MTUS1: variants seen among roughly 807,000 people sequenced by gnomAD.
MTUS1 encodes the protein microtubule associated scaffold protein 1.
MTUS1 carries 109 observed loss-of-function variants against 120.8 expected under a neutral mutation model. That is an observed-to-expected ratio of 0.90 (90% CI 0.77 to 1.06). The LOEUF (loss-of-function observed/expected upper bound fraction) is 1.06, where lower values mean the gene tolerates loss of function less well. Among genes scored for constraint, MTUS1 ranks in the 50% least tolerant of loss-of-function variants. MTUS1 has a pLI of 0.00. For synonymous variants in MTUS1, 737 were observed against 550.5 expected, an observed-to-expected ratio of 1.34 and a Z score of -4.74; for missense variants, 2,210 against 1,486.3, an observed-to-expected ratio of 1.49 and a Z score of -8.01.
intron 1 of MTUS1, chr8:17,770,379 G>C (rs1171486261): frequency 1.3e-5 from 2 of 152,152 alleles, no homozygotes; most frequent in Admixed American, 6.5e-5. Flanking sequence ...TTTGAAACTT[G>C]AGTGGTTTTA....
Position 17,644,719 on chromosome 8 carries a change from A to G in MTUS1, c.*1207T>C, listed in dbSNP as rs1250082559. The G allele has an allele frequency of 1.3e-5, 2 of 152,190 alleles. No individual in the cohort carries two copies. Among genetic ancestry groups the G allele is most frequent in the Non-Finnish European group, 2.9e-5 (2 of 68,028 alleles). The allele number at this position is 152,190 out of a possible 1,614,324, so 9.4% of individuals were successfully genotyped here. A position where few individuals can be genotyped will look rare whatever the true frequency, so the allele number is the denominator to read the frequency against. ...GCACTGAATCCTACCTTTCTTAATT[A>G]TACTAGCCAATGACTTCCTTGTTCT... On this transcript the variant is annotated 3_prime_UTR_variant, in exon 15 of 15. Transcript: ENST00000693296.
rs535789161 is a variant in MTUS1 at position 17,725,003 on chromosome 8, G to A, written c.2288-1170C>T. Reference sequence around the variant, plus strand: ...ACTTCTGGCCTTAAGCAGTCCTCCCGCCTCAGTCTCCCAAACTGCTGGAAT... The same window carrying A: ...ACTTCTGGCCTTAAGCAGTCCTCCCACCTCAGTCTCCCAAACTGCTGGAAT... On this transcript the variant is annotated intron_variant, in intron 3 of 14. Transcript: ENST00000693296. Among the ~76,000 whole-genome samples, 144 of 151,974 alleles carry A rather than the reference G, an allele frequency of 9.5e-4. 1 individual carries two copies. Among genetic ancestry groups the A allele is most frequent in the South Asian group, 2.3e-3 (11 of 4,818 alleles).
rs1485327195 is a variant in MTUS1 at position 17,644,253 on chromosome 8, T to C, written c.*1673A>G. ...TGATGAAGTATTGGAAGTTAAAGAC[T>C]TAAGACACAAAATCACTAATTTAAA... is the stretch of plus-strand genomic sequence containing the variant. On this transcript the variant is annotated 3_prime_UTR_variant, in exon 15 of 15. Coordinates refer to ENST00000693296, the MANE Select transcript of MTUS1 (RefSeq NM_001363059.2). 1 of 152,616 alleles carries C rather than the reference T, an allele frequency of 6.6e-6. No homozygotes were observed. The highest frequency in any genetic ancestry group is 1.5e-5 in the Non-Finnish European group (1 of 68,042). 9.5% of individuals were successfully genotyped at this position (152,616 alleles called of 1,614,324 possible).
At chr8:17,775,211 G>A (rs1236812207) in intron 1 of MTUS1, among the ~76,000 whole-genome samples, 2 of 152,090 alleles carry the variant, frequency 1.3e-5, no homozygotes. Flanking sequence ...TTATGCCACT[G>A]AACCGTACAC....
chr8:17,714,771 T>C (rs912437085), intron 5 of MTUS1, among the ~76,000 whole-genome samples: 3 of 152,126 alleles, frequency 2.0e-5, no homozygotes, highest in African/African-American at 7.2e-5. Flanking sequence ...GGAAGACTCT[T>C]TGTTTCTGTG....
chr8:17,770,274 G>A (rs1351968570), intron 1 of MTUS1, among the ~76,000 whole-genome samples: 3 of 152,082 alleles, frequency 2.0e-5, no homozygotes, highest in Non-Finnish European at 4.4e-5. Context: ...CCTGAAGTAG[G>A]GGTAATCTAA....
intron 2 of MTUS1, among the ~76,000 whole-genome samples, chr8:17,753,129 A>G (rs115129535): frequency 0.028 from 4,217 of 152,252 alleles, 183 homozygotes; most frequent in African/African-American, 0.096. Flanking sequence ...TAAGGCTGCA[A>G]GAGGCTTCAC....
Position 17,654,585 on chromosome 8 carries a change from T to C in MTUS1, c.3190A>G (p.Lys1064Glu), listed in dbSNP as rs1442576175. The C allele has an allele frequency of 3.7e-6, 6 of 1,613,508 alleles. No individual in the cohort carries two copies. The highest frequency in any genetic ancestry group is 4.2e-6 in the Non-Finnish European group (5 of 1,179,480). Residue 1064 changes from lysine (K) to glutamate (E), a missense_variant, in exon 10 of 15, where the codon AAG becomes GAG. Coordinates refer to ENST00000693296, the MANE Select transcript of MTUS1 (RefSeq NM_001363059.2). ...SHSEKLELLK[K>E]AYEASLSEIK... Reference sequence around the variant, plus strand: ...CCTGAAAGGGAGGCTTCATAGGCCTTCTTTAGCAATTCAAGTTTCTCTGAG... The same window carrying C: ...CCTGAAAGGGAGGCTTCATAGGCCTCCTTTAGCAATTCAAGTTTCTCTGAG...
intron 6 of MTUS1, among the ~76,000 whole-genome samples, chr8:17,704,836 T>A: frequency 6.6e-6 from 1 of 152,178 alleles, no homozygotes; most frequent in East Asian, 1.9e-4. Context: ...TTGCACTGAA[T>A]CTGTAGATCT....
At chr8:17,757,799 T>A (rs923500492) in intron 1 of MTUS1, among the ~76,000 whole-genome samples, 1 of 152,134 alleles carries the variant, frequency 6.6e-6, no homozygotes, top group Non-Finnish European at 1.5e-5. Flanking sequence ...AGCACTGGGA[T>A]TACAGGCATG....
chr8:17,647,997 CTT>C (rs1806195635), intron 13 of MTUS1, among the ~76,000 whole-genome samples: 1 of 152,166 alleles, frequency 6.6e-6, no homozygotes, highest in African/African-American at 2.4e-5. Context: ...GGTTAAATCA[CTT>C]TCCAGAAAAG....
At chr8:17,710,572 G>A (rs142831755) in intron 6 of MTUS1, among the ~76,000 whole-genome samples, 3 of 152,172 alleles carry the variant, frequency 2.0e-5, no homozygotes, top group African/African-American at 4.8e-5. Flanking sequence ...CTGAAGCACT[G>A]AACCCCTCAA....
intron 3 of MTUS1, among the ~76,000 whole-genome samples, chr8:17,732,956 C>T (rs1015478282): frequency 3.9e-5 from 6 of 152,152 alleles, no homozygotes; most frequent in Admixed American, 2.0e-4. Context: ...TCCTACTTCA[C>T]CCATATCCAA....
intron 8 of MTUS1, 140 bp from the exon 9 acceptor site, chr8:17,656,205 A>G: frequency 1.3e-6 from 1 of 743,282 alleles, no homozygotes; most frequent in Non-Finnish European, 2.3e-6. Flanking sequence ...CATGTCTTCA[A>G]ATATAACAGT....
At chr8:17,695,265 T>C (rs1351696103) in intron 6 of MTUS1, among the ~76,000 whole-genome samples, 1 of 152,238 alleles carries the variant, frequency 6.6e-6, no homozygotes, top group Non-Finnish European at 1.5e-5. Flanking sequence ...CCATCCCTGC[T>C]ATTCCTTGGA....
At chr8:17,785,665 C>T (rs578043074) in intron 1 of MTUS1, among the ~76,000 whole-genome samples, 1 of 152,296 alleles carries the variant, frequency 6.6e-6, no homozygotes, top group African/African-American at 2.4e-5. Flanking sequence ...TTTATTCCAT[C>T]TCACCGTGTT....
intron 3 of MTUS1, among the ~76,000 whole-genome samples, chr8:17,729,560 A>T (rs541852820): frequency 6.6e-6 from 1 of 152,368 alleles, no homozygotes; most frequent in East Asian, 1.9e-4. Flanking sequence ...TAAATTTATC[A>T]AAAAAGTGCT....
In MTUS1 at chr8:17,755,216, C is replaced by T. The variant is rs1563332409; in HGVS notation, c.592G>A (p.Gly198Arg). Residue 198 changes from glycine to arginine, a missense_variant, in exon 2 of 15, where the codon GGA becomes AGA. Transcript: ENST00000693296. Reference protein sequence around the residue: ...GSLPPTGRRSGSTSSLSYSTW... With the variant: ...GSLPPTGRRSRSTSSLSYSTW... ...GAATAGGATAAAGAAGATGTACTTCCACTTCTCCTACCAGTTGGTGGCAGG... is the reference window on the plus strand; with the variant it reads ...GAATAGGATAAAGAAGATGTACTTCTACTTCTCCTACCAGTTGGTGGCAGG... The T allele has an allele frequency of 6.2e-7, 1 of 1,614,158 alleles. No homozygotes were observed.
intron 6 of MTUS1, 48 bp downstream of exon 6, chr8:17,713,166 C>T: frequency 7.0e-7 from 1 of 1,428,312 alleles, no homozygotes; most frequent in Non-Finnish European, 9.8e-7. Flanking sequence ...AGTAACATAA[C>T]TTTACAAAAA....
Sources: gnomAD v4.1 joint callset for allele counts (sites outside exome capture counted in the v4.1 genomes callset) on GRCh38, gnomAD v4.1.1 for gene constraint, MANE v1.5 for transcripts, NCBI Gene and HGNC (gene_info 2026-07-23, HGNC 2026-07-21) for gene names.